Variants in DTWD2 observed in about 807,000 individuals in gnomAD.
The protein encoded by DTWD2 is DTW motif tRNA-uridine aminocarboxypropyltransferase 2, also known as tRNA-uridine aminocarboxypropyltransferase 2.
In DTWD2, 39 loss-of-function variants were observed where a neutral mutation model predicts 31.8. The ratio of observed to expected loss-of-function variants is 1.22; its 90% CI spans 0.95 to 1.60. The LOEUF (loss-of-function observed/expected upper bound fraction) is 1.60, where lower values mean the gene tolerates loss of function less well. Among genes scored for constraint, DTWD2 ranks in the 40% most tolerant of loss-of-function variants. The pLI is 0.00. For missense variants in DTWD2, 515 were observed against 381.5 expected, an observed-to-expected ratio of 1.35 and a Z score of -2.92; for synonymous variants, 180 against 142.8, an observed-to-expected ratio of 1.26 and a Z score of -1.86.
At chr5:118,944,713 T>A (rs1017916754) in intron 1 of DTWD2, 64 bp from the exon 2 acceptor site, 1 of 1,482,250 alleles carries the variant, frequency 6.7e-7, no homozygotes, top group South Asian at 1.2e-5. Context: ...AACAATTTTT[T>A]AAATGACCTT....
chr5:118,937,242 A>G (rs1457113751), intron 3 of DTWD2, among the ~76,000 whole-genome samples: 3 of 152,164 alleles, frequency 2.0e-5, no homozygotes, highest in Non-Finnish European at 4.4e-5. Flanking sequence ...GCATTTCACA[A>G]AACTCAACAA....
Position 118,928,695 on chromosome 5 carries a change from C to A in DTWD2, c.439G>T (p.Gly147Cys). 6 of 1,576,602 alleles carry A rather than the reference C, an allele frequency of 3.8e-6. No homozygotes were observed. Among genetic ancestry groups the A allele is most frequent in the Non-Finnish European group, 5.2e-6 (6 of 1,162,756 alleles). The part of the protein sequence containing the change: ...PELSTVCRKS[G>C]TLILYPGAEA... The stretch of plus-strand genomic sequence containing the variant: ...GCCCCTGGATATAATATTAATGTAC[C>A]AGACTTCCGGCAAACAGTTGAAAGT... Residue 147 changes from glycine to cysteine, a missense_variant, in exon 4 of 6, where the codon GGT (glycine) becomes TGT (cysteine). Gly to Cys is a radical substitution (Grantham distance 159, BLOSUM62 -3). Coordinates refer to ENST00000510708, the MANE Select transcript of DTWD2 (RefSeq NM_173666.4).
At chr5:118,965,832 C>T (rs375903727) in intron 1 of DTWD2, among the ~76,000 whole-genome samples, 2 of 152,110 alleles carry the variant, frequency 1.3e-5, no homozygotes, top group East Asian at 3.9e-4. Flanking sequence ...CTAGGAAAAC[C>T]AGAAACCTTT....
intron 1 of DTWD2, among the ~76,000 whole-genome samples, chr5:118,945,473 T>C (rs536365156): frequency 6.6e-6 from 1 of 152,106 alleles, no homozygotes; most frequent in Admixed American, 6.5e-5. Context: ...ATTTATAATA[T>C]GAAATTCATG....
chr5:118,877,471 CAAAAATAAA>C lies in DTWD2; in HGVS notation c.598-29262_598-29254del, dbSNP rs551582542. ...CGGGTGACAGAGCAAGACTCCGTCT[CAAAAATAAA>C]AAAAATAAAAAAAATAAAAAAAGCT... On this transcript the variant is annotated intron_variant, in intron 4 of 5. Transcript: ENST00000510708. Among the ~76,000 whole-genome samples, 154 of 149,544 alleles carry C rather than the reference CAAAAATAAA, an allele frequency of 1.0e-3. 1 individual carries two copies. Among genetic ancestry groups the C allele is most frequent in the African/African-American group, 3.1e-3 (125 of 40,568 alleles).
intron 4 of DTWD2, among the ~76,000 whole-genome samples, chr5:118,920,557 C>T (rs201115096): frequency 2.6e-5 from 4 of 151,902 alleles, no homozygotes; most frequent in East Asian, 1.9e-4. Context: ...CTTCCTAATC[C>T]TTTTTTTATT....
At chr5:118,923,584 G>A (rs1256668395) in intron 4 of DTWD2, among the ~76,000 whole-genome samples, 1 of 152,188 alleles carries the variant, frequency 6.6e-6, no homozygotes, top group Non-Finnish European at 1.5e-5. Context: ...AACCTATAAA[G>A]CCCTAGGATC....
At chr5:118,975,199 A>G (rs1755123660) in intron 1 of DTWD2, among the ~76,000 whole-genome samples, 3 of 151,900 alleles carry the variant, frequency 2.0e-5, no homozygotes, top group South Asian at 4.2e-4. Flanking sequence ...ATAGTCCCAT[A>G]TTTCTTGGAG....
intron 4 of DTWD2, among the ~76,000 whole-genome samples, chr5:118,910,414 T>A (rs1753432619): frequency 6.6e-6 from 1 of 152,182 alleles, no homozygotes; most frequent in Admixed American, 6.5e-5. Context: ...CAATAAAATC[T>A]TCCCATTTCC....
intron 4 of DTWD2, among the ~76,000 whole-genome samples, chr5:118,861,574 A>C (rs1458094014): frequency 6.6e-6 from 1 of 151,362 alleles, no homozygotes; most frequent in African/African-American, 2.4e-5. Flanking sequence ...AACGAAACTG[A>C]TTTTTTTTTA....
At chr5:118,963,735 C>T (rs1754760901) in intron 1 of DTWD2, among the ~76,000 whole-genome samples, 2 of 152,064 alleles carry the variant, frequency 1.3e-5, no homozygotes, top group Admixed American at 1.3e-4. Flanking sequence ...AGTTTAAATA[C>T]CACCTCCCCT....
intron 4 of DTWD2, among the ~76,000 whole-genome samples, chr5:118,868,964 T>C (rs1265992781): frequency 2.6e-5 from 4 of 152,046 alleles, no homozygotes; most frequent in Non-Finnish European, 4.4e-5. Flanking sequence ...ACTAATATTG[T>C]ATAATTCTAC....
At position 118,951,902 on chromosome 5, in the gene DTWD2, G is replaced by A. The variant is rs187405142; in HGVS notation, c.219-7253C>T. Reference sequence around the variant, plus strand: ...GCTGAATAATCAGGCAGGTGTCCCCGCGTGATTAAACACAAAGGAAAGACT... The same window carrying A: ...GCTGAATAATCAGGCAGGTGTCCCCACGTGATTAAACACAAAGGAAAGACT... On this transcript the variant is annotated intron_variant, in intron 1 of 5. Coordinates refer to ENST00000510708, the MANE Select transcript of DTWD2 (RefSeq NM_173666.4). Among the ~76,000 whole-genome samples, 5 of 152,284 alleles carry A rather than the reference G, an allele frequency of 3.3e-5. No homozygotes were observed. The East Asian group carries it at 5.8e-4, about 18-fold the overall frequency.
intron 3 of DTWD2, among the ~76,000 whole-genome samples, chr5:118,929,862 G>T (rs984693562): frequency 6.6e-6 from 1 of 152,094 alleles, no homozygotes; most frequent in Non-Finnish European, 1.5e-5. Flanking sequence ...AACCTTAATG[G>T]TCTGAAAGAA....
intron 4 of DTWD2, among the ~76,000 whole-genome samples, chr5:118,909,050 GAGTTCCC>G (rs1753399883): frequency 1.3e-5 from 2 of 152,168 alleles, no homozygotes; most frequent in Non-Finnish European, 2.9e-5. Flanking sequence ...TCCCTGACCC[GAGTTCCC>G]TTCACAAGAG....
chr5:118,942,891 C>G (rs750793214), intron 2 of DTWD2, among the ~76,000 whole-genome samples: 1 of 151,870 alleles, frequency 6.6e-6, no homozygotes, highest in Non-Finnish European at 1.5e-5. Flanking sequence ...CAGCCTAAAA[C>G]TCCTGTACAG....
chr5:118,898,892 G>A (rs1317076986), intron 4 of DTWD2, among the ~76,000 whole-genome samples: 1 of 152,106 alleles, frequency 6.6e-6, no homozygotes, highest in Non-Finnish European at 1.5e-5. Flanking sequence ...ATTTACTCAG[G>A]TACTAGCAGC....
intron 1 of DTWD2, chr5:118,973,954 T>A: frequency 6.3e-7 from 1 of 1,584,092 alleles, no homozygotes; most frequent in African/African-American, 1.4e-5. Flanking sequence ...ATGAGGTAGA[T>A]GAAGAAGAGG....
chr5:118,866,259 G>A (rs1296817981), intron 4 of DTWD2, among the ~76,000 whole-genome samples: 4 of 152,170 alleles, frequency 2.6e-5, no homozygotes, highest in African/African-American at 7.2e-5. Context: ...ATTTGTGAAA[G>A]TACCAAAGAC....
Sources: gnomAD v4.1 joint callset for allele counts (sites outside exome capture counted in the v4.1 genomes callset) on GRCh38, gnomAD v4.1.1 for gene constraint, MANE v1.5 for transcripts, NCBI Gene and HGNC (gene_info 2026-07-23, HGNC 2026-07-21) for gene names.